STXBP5: variants seen among roughly 807,000 people sequenced by gnomAD.
The protein encoded by STXBP5 is syntaxin binding protein 5.
In STXBP5, 50 loss-of-function variants were observed where a neutral mutation model predicts 152.4. The observed-to-expected ratio is 0.33, with a 90% CI of 0.26 to 0.42. The LOEUF (loss-of-function observed/expected upper bound fraction) is 0.42, where lower values mean the gene tolerates loss of function less well. Ranked by LOEUF, STXBP5 falls within the 10% of genes least tolerant of loss-of-function variation. The probability of loss-of-function intolerance (pLI) is 1.00; values close to 1 mark genes in which losing one functional copy is unlikely to be tolerated. For missense variants in STXBP5, 1,167 were observed against 1,388.6 expected, an observed-to-expected ratio of 0.84 and a Z score of 2.54; for synonymous variants, 492 against 494.7, an observed-to-expected ratio of 0.99 and a Z score of 0.07.
intron 2 of STXBP5, among the ~76,000 whole-genome samples, chr6:147,214,852 G>C (rs946454695): frequency 6.6e-6 from 1 of 151,040 alleles, no homozygotes; most frequent in African/African-American, 2.5e-5. Context: ...TTTATCAAGA[G>C]TCCGGAAATT....
intron 2 of STXBP5, among the ~76,000 whole-genome samples, chr6:147,221,913 C>G (rs1029760005): frequency 6.6e-6 from 1 of 151,826 alleles, no homozygotes; most frequent in African/African-American, 2.4e-5. Flanking sequence ...TTGTTGTTGT[C>G]TCTCTGTTCT....
intron 2 of STXBP5, among the ~76,000 whole-genome samples, chr6:147,230,941 C>A (rs1269569671): frequency 6.6e-6 from 1 of 151,754 alleles, no homozygotes; most frequent in Non-Finnish European, 1.5e-5. Context: ...CGTGATGATG[C>A]TGGTGATGAT....
chr6:147,327,952 A>G (rs143119622), intron 18 of STXBP5, among the ~76,000 whole-genome samples: 2,056 of 152,334 alleles, frequency 0.013, 18 homozygotes, highest in Non-Finnish European at 0.02. Flanking sequence ...AATCATTCCC[A>G]TGTGGGAAAA....
chr6:147,245,857 C>T (rs1263144591), intron 4 of STXBP5, among the ~76,000 whole-genome samples: 1 of 152,178 alleles, frequency 6.6e-6, no homozygotes, highest in East Asian at 1.9e-4. Flanking sequence ...ATACCAGCAA[C>T]TAGGGGAGAG....
At chr6:147,323,743 T>A (rs1043198008) in intron 16 of STXBP5, among the ~76,000 whole-genome samples, 5 of 152,218 alleles carry the variant, frequency 3.3e-5, no homozygotes, top group African/African-American at 1.2e-4. Context: ...AATTTGACCA[T>A]CTGCAAAGTA....
At chr6:147,382,678 T>TTACC (rs1272752975) in intron 26 of STXBP5, 100 bp from the exon 27 acceptor site, 3 of 1,193,730 alleles carry the variant, frequency 2.5e-6, no homozygotes, top group Non-Finnish European at 3.6e-6. Context: ...TTCAGTTGTA[T>TTACC]TACCACTCAA....
At chr6:147,342,296 G>A (rs1009915848) in intron 21 of STXBP5, among the ~76,000 whole-genome samples, 5 of 152,154 alleles carry the variant, frequency 3.3e-5, no homozygotes, top group African/African-American at 9.7e-5. Context: ...AGGAAGGATA[G>A]CTAGAGCAAA....
chr6:147,317,694 C>T (rs1162788144), intron 16 of STXBP5, among the ~76,000 whole-genome samples: 1 of 152,184 alleles, frequency 6.6e-6, no homozygotes, highest in Non-Finnish European at 1.5e-5. Flanking sequence ...TTTCTCTCCT[C>T]TCCCTCTCTC....
chr6:147,213,129 GTAA>G (rs1182443787), intron 2 of STXBP5, among the ~76,000 whole-genome samples: 3 of 152,062 alleles, frequency 2.0e-5, no homozygotes, highest in Non-Finnish European at 4.4e-5. Context: ...ATAACTTGGA[GTAA>G]TAATTGCTGG....
At chr6:147,234,187 A>G (rs1455250928) in intron 2 of STXBP5, among the ~76,000 whole-genome samples, 1 of 151,878 alleles carries the variant, frequency 6.6e-6, no homozygotes, top group Non-Finnish European at 1.5e-5. Flanking sequence ...TAATTTTATT[A>G]AATCCCACCA....
intron 2 of STXBP5, among the ~76,000 whole-genome samples, chr6:147,213,471 T>TGCGCGCGCGCGCGCGCGC (rs1210162851): frequency 8.2e-6 from 1 of 121,482 alleles, no homozygotes; most frequent in Non-Finnish European, 1.8e-5. Context: ...TGTGTGTGTG[T>TGCGCGCGCGCGCGCGCGC]GTGTGTGCGC....
chr6:147,212,670 G>A (rs1336440143), intron 2 of STXBP5, among the ~76,000 whole-genome samples: 1 of 152,184 alleles, frequency 6.6e-6, no homozygotes. Flanking sequence ...AGAATGAAGT[G>A]TTAGACTCCA....
At chr6:147,291,227 G>C (rs1306454272) in intron 9 of STXBP5, 55 bp downstream of exon 9, 1 of 1,372,354 alleles carries the variant, frequency 7.3e-7, no homozygotes, top group Non-Finnish European at 1.0e-6. Context: ...CAAATAGCAT[G>C]GAAGGCTATT....
intron 8 of STXBP5, among the ~76,000 whole-genome samples, chr6:147,290,145 C>T (rs1781205593): frequency 6.6e-6 from 1 of 152,074 alleles, no homozygotes. Context: ...GAGGTTGAAG[C>T]TGAAGTGAGC....
intron 25 of STXBP5, among the ~76,000 whole-genome samples, chr6:147,371,188 C>T (rs996768286): frequency 1.3e-5 from 2 of 152,014 alleles, no homozygotes; most frequent in African/African-American, 4.8e-5. Context: ...ATTTCACCAA[C>T]ATACACTAGC....
intron 26 of STXBP5, among the ~76,000 whole-genome samples, chr6:147,376,877 ATAAGG>A (rs1422531791): frequency 6.6e-6 from 1 of 152,190 alleles, no homozygotes; most frequent in African/African-American, 2.4e-5. Context: ...TATATAAAAC[ATAAGG>A]ACACAAAAAG....
intron 2 of STXBP5, among the ~76,000 whole-genome samples, chr6:147,218,924 A>G (rs990903665): frequency 6.6e-6 from 1 of 152,122 alleles, no homozygotes; most frequent in Non-Finnish European, 1.5e-5. Flanking sequence ...CTTTCTTCCT[A>G]ATCTATGTGC....
At chr6:147,301,442 C>G (rs148028893) in intron 9 of STXBP5, among the ~76,000 whole-genome samples, 3 of 152,258 alleles carry the variant, frequency 2.0e-5, no homozygotes, top group African/African-American at 7.2e-5. Flanking sequence ...GAGTAAAGAT[C>G]TCTTTGAGTC....
intron 13 of STXBP5, 118 bp downstream of exon 13, chr6:147,314,449 A>G: frequency 1.6e-6 from 2 of 1,286,510 alleles, no homozygotes; most frequent in Non-Finnish European, 2.2e-6. Context: ...GTAATATAAT[A>G]AGAAATGTTA....
Sources: allele counts gnomAD v4.1 joint callset (sites outside exome capture counted in the v4.1 genomes callset), GRCh38; gene constraint gnomAD v4.1.1; transcripts MANE v1.5; gene names NCBI Gene and HGNC (gene_info 2026-07-23, HGNC 2026-07-21).